EYS: variants seen among roughly 807,000 people sequenced by gnomAD.
EYS encodes the protein protein eyes shut homolog.
Under a neutral mutation model 282.1 loss-of-function variants are expected in EYS, and 250 were observed. That is an observed-to-expected ratio of 0.89 (90% CI 0.80 to 0.98). EYS has a LOEUF of 0.98. Ranked by LOEUF, EYS falls within the 50% of genes least tolerant of loss-of-function variation. The pLI, the probability that EYS is intolerant of heterozygous loss-of-function variation, is 0.00. For missense variants in EYS, 4,016 were observed against 3,709.0 expected, an observed-to-expected ratio of 1.08 and a Z score of -2.15; for synonymous variants, 1,355 against 1,282.9, an observed-to-expected ratio of 1.06 and a Z score of -1.20.
At chr6:64,847,612 C>A (rs1198913177) in intron 19 of EYS, among the ~76,000 whole-genome samples, 1 of 151,980 alleles carries the variant, frequency 6.6e-6, no homozygotes, top group East Asian at 1.9e-4. Context: ...CTGAGCTCAC[C>A]ATTTCACTAC....
rs573401081 is a variant in EYS at position 64,007,731 on chromosome 6, A to G, written c.6726-8548T>C. 2.0e-5 allele frequency among the ~76,000 whole-genome samples: 3 copies of G among 152,242 alleles called. No homozygotes were observed. In the East Asian group the frequency reaches 5.8e-4, roughly 29 times the overall value. Reference sequence around the variant, plus strand: ...CAAAGAATTTATTGATTTCTGCCTTAATTTCATTGTTTACCCAAAAGTCAT... The same window carrying G: ...CAAAGAATTTATTGATTTCTGCCTTGATTTCATTGTTTACCCAAAAGTCAT... On this transcript the variant is annotated intron_variant, in intron 33 of 42. Coordinates refer to ENST00000503581, the MANE Select transcript of EYS (RefSeq NM_001142800.2).
chr6:65,651,432 T>C (rs1161673039), intron 1 of EYS, among the ~76,000 whole-genome samples: 1 of 152,106 alleles, frequency 6.6e-6, no homozygotes, highest in Non-Finnish European at 1.5e-5. Context: ...ATAGTGTTTC[T>C]GTACATATAT....
intron 35 of EYS, among the ~76,000 whole-genome samples, chr6:63,910,522 C>T (rs1479907803): frequency 1.3e-5 from 2 of 152,138 alleles, no homozygotes; most frequent in Non-Finnish European, 1.5e-5. Context: ...CAAATGGCCC[C>T]TAGTTGTCTT....
Position 63,882,871 on chromosome 6 carries a change from G to T in EYS, c.7056-18513C>A, listed in dbSNP as rs577486592. Among the ~76,000 whole-genome samples the T allele has an allele frequency of 2.6e-5, 4 of 152,234 alleles. No homozygotes were observed. The East Asian group carries it at 7.7e-4, about 29-fold the overall frequency. On this transcript the variant is annotated intron_variant, in intron 35 of 42. Coordinates refer to ENST00000503581, the MANE Select transcript of EYS (RefSeq NM_001142800.2). ...TGAGAGAAAGTCTGACATAGTTCAG[G>T]ACTGGAAAGTAGCCACTTTTGCCCA...
chr6:65,455,676 G>A (rs1032898842), intron 5 of EYS, among the ~76,000 whole-genome samples: 6 of 152,070 alleles, frequency 3.9e-5, no homozygotes, highest in South Asian at 2.1e-4. Flanking sequence ...TTCTGGATAC[G>A]TACACTCTGC....
At chr6:64,799,796 A>G (rs1001185455) in intron 22 of EYS, among the ~76,000 whole-genome samples, 1 of 151,798 alleles carries the variant, frequency 6.6e-6, no homozygotes, top group Non-Finnish European at 1.5e-5. Flanking sequence ...ATATTTAAGT[A>G]TCTGAATATC....
At chr6:63,968,387 A>C (rs904745735) in intron 35 of EYS, among the ~76,000 whole-genome samples, 1 of 152,144 alleles carries the variant, frequency 6.6e-6, no homozygotes, top group African/African-American at 2.4e-5. Flanking sequence ...ACAACAAAAG[A>C]ATCACAGCTG....
intron 15 of EYS, among the ~76,000 whole-genome samples, chr6:64,933,173 G>A (rs1248684636): frequency 6.6e-6 from 1 of 151,800 alleles, no homozygotes; most frequent in Non-Finnish European, 1.5e-5. Flanking sequence ...AAGGAAAGTA[G>A]GAGATTGATG....
intron 33 of EYS, among the ~76,000 whole-genome samples, chr6:64,058,112 T>G (rs1319499499): frequency 6.6e-6 from 1 of 152,130 alleles, no homozygotes; most frequent in Non-Finnish European, 1.5e-5. Flanking sequence ...TGATAGCAAA[T>G]AAGTCTCAGG....
At chr6:64,136,745 T>C (rs866321025) in intron 31 of EYS, among the ~76,000 whole-genome samples, 3 of 152,118 alleles carry the variant, frequency 2.0e-5, no homozygotes, top group Admixed American at 6.6e-5. Context: ...TTAAAGCATG[T>C]TGTAAACAGA....
At chr6:64,860,278 G>A (rs1583231803) in intron 19 of EYS, among the ~76,000 whole-genome samples, 1 of 152,354 alleles carries the variant, frequency 6.6e-6, no homozygotes, top group South Asian at 2.1e-4. Flanking sequence ...CCAAGTCTTG[G>A]TCAGGGCCAC....
chr6:64,452,575 AG>A (rs1345041030), intron 26 of EYS, among the ~76,000 whole-genome samples: 1 of 152,168 alleles, frequency 6.6e-6, no homozygotes, highest in Non-Finnish European at 1.5e-5. Flanking sequence ...AAAAGAACAA[AG>A]CTGGAGGCAT....
chr6:64,566,069 C>A lies in EYS; in HGVS notation c.5644+24154G>T, dbSNP rs564819316. 2.0e-5 allele frequency among the ~76,000 whole-genome samples: 3 copies of A among 151,004 alleles called. No individual in the cohort carries two copies. The East Asian group carries it at 5.8e-4, about 29-fold the overall frequency. ...TGTAAGAGAAATCCTAAATACATGG[C>A]TTTCTATATTATTTCAAAAATTTTT... On this transcript the variant is annotated intron_variant, in intron 26 of 42. Coordinates refer to ENST00000503581, the MANE Select transcript of EYS (RefSeq NM_001142800.2).
chr6:65,346,400 C>T (rs1175628390), intron 9 of EYS, among the ~76,000 whole-genome samples: 2 of 142,810 alleles, frequency 1.4e-5, no homozygotes, highest in South Asian at 2.3e-4. Flanking sequence ...TCATTTTACC[C>T]TTATTGAAAA....
At chr6:65,656,806 C>A (rs898382248) in intron 1 of EYS, among the ~76,000 whole-genome samples, 2 of 151,826 alleles carry the variant, frequency 1.3e-5, no homozygotes, top group Non-Finnish European at 2.9e-5. Context: ...AATGGATTTT[C>A]AATGGAAACA....
At chr6:64,563,898 A>G (rs1765479636) in intron 26 of EYS, among the ~76,000 whole-genome samples, 1 of 151,990 alleles carries the variant, frequency 6.6e-6, no homozygotes, top group South Asian at 2.1e-4. Context: ...ACCAGTTTTT[A>G]TTTTTAAAAT....
At chr6:63,754,323 T>G (rs1259982160) in intron 41 of EYS, among the ~76,000 whole-genome samples, 1 of 152,070 alleles carries the variant, frequency 6.6e-6, no homozygotes, top group East Asian at 1.9e-4. Flanking sequence ...GGTATTTCTC[T>G]GAACACTATC....
intron 12 of EYS, among the ~76,000 whole-genome samples, chr6:65,142,081 G>C (rs930287144): frequency 4.0e-5 from 6 of 151,898 alleles, no homozygotes; most frequent in African/African-American, 1.5e-4. Context: ...CTTTCAACTT[G>C]TTCATTGTAC....
intron 29 of EYS, among the ~76,000 whole-genome samples, chr6:64,371,362 C>T: frequency 6.7e-6 from 1 of 149,638 alleles, no homozygotes; most frequent in Admixed American, 6.6e-5. Context: ...TTTATTGTGC[C>T]ATATTCTGAG....
Sources: allele counts gnomAD v4.1 joint callset (sites outside exome capture counted in the v4.1 genomes callset), GRCh38; gene constraint gnomAD v4.1.1; transcripts MANE v1.5; gene names NCBI Gene and HGNC (gene_info 2026-07-23, HGNC 2026-07-21).